ARHGAP15: variants seen among roughly 807,000 people sequenced by gnomAD.
The protein encoded by ARHGAP15 is rho GTPase-activating protein 15.
In ARHGAP15, 51 loss-of-function variants were observed where a neutral mutation model predicts 63.7. The observed-to-expected ratio is 0.80, with a 90% CI of 0.64 to 1.01. The LOEUF (loss-of-function observed/expected upper bound fraction) is 1.01, where lower values mean the gene tolerates loss of function less well. Among genes scored for constraint, ARHGAP15 ranks in the 50% least tolerant of loss-of-function variants. The pLI is 0.00. For synonymous variants in ARHGAP15, 191 were observed against 193.8 expected, an observed-to-expected ratio of 0.99 and a Z score of 0.12; for missense variants, 560 against 564.6, an observed-to-expected ratio of 0.99 and a Z score of 0.08.
chr2:143,289,174 C>A (rs572116678), intron 6 of ARHGAP15, among the ~76,000 whole-genome samples: 2 of 149,242 alleles, frequency 1.3e-5, no homozygotes, highest in African/African-American at 2.4e-5. Context: ...TTGGAGTGTG[C>A]CAAAAAGGGG....
At chr2:143,631,472 C>G (rs537555251) in intron 12 of ARHGAP15, among the ~76,000 whole-genome samples, 1 of 152,064 alleles carries the variant, frequency 6.6e-6, no homozygotes, top group Non-Finnish European at 1.5e-5. Context: ...TTCCCCACAT[C>G]CTCAGCAACA....
intron 12 of ARHGAP15, among the ~76,000 whole-genome samples, chr2:143,664,945 A>T (rs1318296567): frequency 1.8e-4 from 28 of 151,658 alleles, no homozygotes; most frequent in Admixed American, 1.8e-3. Flanking sequence ...AACCAAAAAG[A>T]GTCCAGGACC....
chr2:143,137,528 G>A (rs2104984635), intron 1 of ARHGAP15, among the ~76,000 whole-genome samples: 1 of 152,088 alleles, frequency 6.6e-6, no homozygotes, highest in East Asian at 1.9e-4. Flanking sequence ...AGTGATGAAA[G>A]GTTGGGTTTG....
intron 13 of ARHGAP15, among the ~76,000 whole-genome samples, chr2:143,749,400 T>C (rs1445199466): frequency 1.3e-5 from 2 of 152,230 alleles, no homozygotes; most frequent in African/African-American, 2.4e-5. Context: ...CATTTCTCTA[T>C]GCATCCTTCT....
Position 143,522,662 on chromosome 2 carries a change from T to C in ARHGAP15, c.925+3298T>C, listed in dbSNP as rs963149049. 2.0e-5 allele frequency among the ~76,000 whole-genome samples: 3 copies of C among 152,122 alleles called. No individual in the cohort carries two copies. In the South Asian group the frequency reaches 6.2e-4, roughly 31 times the overall value. Reference sequence around the variant, plus strand: ...AAGAAGAATTGTCTTGGGCTACACATAGCGTTACATACACTAACGCTAACA... The same window carrying C: ...AAGAAGAATTGTCTTGGGCTACACACAGCGTTACATACACTAACGCTAACA... On this transcript the variant is annotated intron_variant, in intron 10 of 13. Coordinates refer to ENST00000295095, the MANE Select transcript of ARHGAP15 (RefSeq NM_018460.4).
chr2:143,490,943 C>A (rs770653478), intron 9 of ARHGAP15, among the ~76,000 whole-genome samples: 2 of 152,096 alleles, frequency 1.3e-5, no homozygotes, highest in Non-Finnish European at 2.9e-5. Flanking sequence ...TTTCTAATTT[C>A]TTTAATATGA....
chr2:143,251,533 C>T lies in ARHGAP15; in HGVS notation c.474+933C>T, dbSNP rs76892600. The stretch of plus-strand genomic sequence containing the variant: ...GAGGGGAAGAAGCTGGTTTCCAGTT[C>T]GGTTTGTATTTTCCAGATGCTATTC... On this transcript the variant is annotated intron_variant, in intron 6 of 13. Coordinates refer to ENST00000295095, the MANE Select transcript of ARHGAP15 (RefSeq NM_018460.4). Among the ~76,000 whole-genome samples, 1,421 of 151,992 alleles carry T rather than the reference C, an allele frequency of 9.3e-3. 28 individuals carry two copies. The highest frequency in any genetic ancestry group is 0.033 in the African/African-American group (1,350 of 41,498).
intron 2 of ARHGAP15, among the ~76,000 whole-genome samples, chr2:143,194,267 T>C (rs1244559218): frequency 1.3e-5 from 2 of 152,214 alleles, no homozygotes; most frequent in Non-Finnish European, 2.9e-5. Flanking sequence ...GTGGATAAAA[T>C]ATCAGTTTGG....
chr2:143,667,891 G>T (rs1682308745), intron 12 of ARHGAP15, among the ~76,000 whole-genome samples: 1 of 152,228 alleles, frequency 6.6e-6, no homozygotes, highest in South Asian at 2.1e-4. Flanking sequence ...AGGAAGCTGA[G>T]ATGGAAGGAT....
chr2:143,608,224 AG>A (rs1698115837), intron 11 of ARHGAP15: 1 of 152,222 alleles, frequency 6.6e-6, no homozygotes, highest in Non-Finnish European at 1.5e-5. Context: ...ATTTGCTTCA[AG>A]GATAGATTTG....
intron 2 of ARHGAP15, among the ~76,000 whole-genome samples, chr2:143,171,263 A>T (rs1033755739): frequency 1.3e-5 from 2 of 152,132 alleles, no homozygotes; most frequent in Non-Finnish European, 2.9e-5. Flanking sequence ...TGTGGTTCAG[A>T]GTTTATGATG....
intron 11 of ARHGAP15, among the ~76,000 whole-genome samples, chr2:143,610,553 A>G (rs1215183192): frequency 1.3e-5 from 2 of 152,184 alleles, no homozygotes; most frequent in Non-Finnish European, 2.9e-5. Flanking sequence ...TCATTTAGAC[A>G]CAAACATTGA....
At chr2:143,647,185 G>A (rs1292279982) in intron 12 of ARHGAP15, among the ~76,000 whole-genome samples, 1 of 151,792 alleles carries the variant, frequency 6.6e-6, no homozygotes, top group East Asian at 1.9e-4. Flanking sequence ...CCTAGAGTAT[G>A]ATATTGCTAA....
chr2:143,161,326 G>A (rs950542491), intron 2 of ARHGAP15, among the ~76,000 whole-genome samples: 2 of 152,002 alleles, frequency 1.3e-5, no homozygotes, highest in Non-Finnish European at 1.5e-5. Context: ...GATTCAAATC[G>A]CTGCCAGTTC....
At chr2:143,746,202 T>C (rs1686157451) in intron 13 of ARHGAP15, among the ~76,000 whole-genome samples, 1 of 152,180 alleles carries the variant, frequency 6.6e-6, no homozygotes. Flanking sequence ...CTATTTTTGA[T>C]ACCTTAACCT....
chr2:143,565,628 T>C lies in ARHGAP15; in HGVS notation c.1003+9143T>C, dbSNP rs1696189053. Among the ~76,000 whole-genome samples, 3 of 152,206 alleles carry C rather than the reference T, an allele frequency of 2.0e-5. No homozygotes were observed. In the South Asian group the frequency reaches 6.2e-4, roughly 31 times the overall value. ...AGTTAGCACTTAATTTTAGACTGGATAAAAGAAATGAATAGTGAAGGATCC... is the reference window on the plus strand; with the variant it reads ...AGTTAGCACTTAATTTTAGACTGGACAAAAGAAATGAATAGTGAAGGATCC... On this transcript the variant is annotated intron_variant, in intron 11 of 13. Coordinates refer to ENST00000295095, the MANE Select transcript of ARHGAP15 (RefSeq NM_018460.4).
chr2:143,214,231 G>T lies in ARHGAP15; in HGVS notation c.235-2153G>T, dbSNP rs150089488. Among the ~76,000 whole-genome samples, 149 of 152,148 alleles carry T rather than the reference G, an allele frequency of 9.8e-4. 1 individual carries two copies. Among genetic ancestry groups the T allele is most frequent in the African/African-American group, 3.5e-3 (146 of 41,510 alleles). On this transcript the variant is annotated intron_variant, in intron 3 of 13. Transcript: ENST00000295095. ...TTGATAGGTTTTTGTAGTTTTTTTGGTAGATAAATCCAGGTTTTGGGTAAC... is the reference window on the plus strand; with the variant it reads ...TTGATAGGTTTTTGTAGTTTTTTTGTTAGATAAATCCAGGTTTTGGGTAAC...
At chr2:143,672,187 A>G (rs753879426) in intron 12 of ARHGAP15, among the ~76,000 whole-genome samples, 1 of 152,226 alleles carries the variant, frequency 6.6e-6, no homozygotes, top group Non-Finnish European at 1.5e-5. Flanking sequence ...CAAGAGAGGT[A>G]TAAAATATAG....
intron 6 of ARHGAP15, among the ~76,000 whole-genome samples, chr2:143,272,658 A>T (rs1033790623): frequency 6.6e-6 from 1 of 152,138 alleles, no homozygotes; most frequent in Admixed American, 6.5e-5. Flanking sequence ...TCGCAAAAAA[A>T]ATAAAAAAAT....
Sources: allele counts gnomAD v4.1 joint callset (sites outside exome capture counted in the v4.1 genomes callset), GRCh38; gene constraint gnomAD v4.1.1; transcripts MANE v1.5; gene names NCBI Gene and HGNC (gene_info 2026-07-23, HGNC 2026-07-21).